Variants in VIRMA observed in about 807,000 individuals in gnomAD.
The protein encoded by VIRMA is vir like m6A methyltransferase associated.
In VIRMA, 65 loss-of-function variants were observed where a neutral mutation model predicts 182.4. The ratio of observed to expected loss-of-function variants is 0.36; its 90% CI spans 0.29 to 0.44. The LOEUF (loss-of-function observed/expected upper bound fraction) is 0.44, where lower values mean the gene tolerates loss of function less well. Among genes scored for constraint, VIRMA ranks in the 20% least tolerant of loss-of-function variants. The pLI, the probability that VIRMA is intolerant of heterozygous loss-of-function variation, is 1.00. For missense variants in VIRMA, 1,752 were observed against 2,158.1 expected, an observed-to-expected ratio of 0.81 and a Z score of 3.73; for synonymous variants, 709 against 743.1, an observed-to-expected ratio of 0.95 and a Z score of 0.75.
chr8:94,535,507 G>A (rs944424896), intron 4 of VIRMA, among the ~76,000 whole-genome samples: 4 of 152,240 alleles, frequency 2.6e-5, no homozygotes, highest in Non-Finnish European at 5.9e-5. Context: ...GGAATTAGCC[G>A]GGTGCAGTGG....
Position 94,538,260 on chromosome 8 carries a change from C to A in VIRMA, c.266G>T (p.Ser89Ile). 1.9e-6 allele frequency: 3 copies of A among 1,605,302 alleles called. No homozygotes were observed. The highest frequency in any genetic ancestry group is 2.6e-6 in the Non-Finnish European group (3 of 1,172,276). The change falls in exon 3 of 24, where the codon AGC becomes ATC. Residue 89 changes from serine (S) to isoleucine (I), a missense_variant and splice_region_variant. Physicochemically the swap from Ser to Ile is moderately radical, Grantham distance 142. This residue lies in a region of VIRMA where 195 missense variants were observed against 191.7 expected (regional missense o/e 1.02). Transcript: ENST00000297591. ...GTGAAATTACCTAGCAGGTACATAC[C>A]TTCCCAACCTATCGAAAACAGGGGC... ...PSAPVFDRLG[S>I]LEYDENTSII...
At chr8:94,549,645 C>G (rs1437410886) in intron 1 of VIRMA, among the ~76,000 whole-genome samples, 1 of 152,186 alleles carries the variant, frequency 6.6e-6, no homozygotes, top group Non-Finnish European at 1.5e-5. Flanking sequence ...TTGTATAAAT[C>G]CTCTCCTACG....
At position 94,553,459 on chromosome 8, in the gene VIRMA, G is replaced by A. The variant is rs372338361; in HGVS notation, c.-12C>T. On this transcript the variant is annotated 5_prime_UTR_variant, in exon 1 of 24. Coordinates refer to ENST00000297591, the MANE Select transcript of VIRMA (RefSeq NM_015496.5). ...GAGTCCACCGCCATGTTTGCCGCGGGCGGGGAACAGGGGGGAGGACTTCCG... is the reference window on the plus strand; with the variant it reads ...GAGTCCACCGCCATGTTTGCCGCGGACGGGGAACAGGGGGGAGGACTTCCG... 46 of 1,613,924 alleles carry A rather than the reference G, an allele frequency of 2.9e-5. No individual in the cohort carries two copies. The highest frequency in any genetic ancestry group is 2.0e-4 in the Admixed American group (12 of 60,000).
Position 94,494,899 on chromosome 8 carries a change from A to C in VIRMA, c.4602T>G (p.Thr1534=). The change falls in exon 20 of 24, where the codon ACT becomes ACG. Residue 1534 remains threonine, a synonymous_variant. Coordinates refer to ENST00000297591, the MANE Select transcript of VIRMA (RefSeq NM_015496.5). ...TATCTATCTCTTCAGCCTGAAATGG[A>C]GTGAACCACATAGATTTCAACTGAT... ...MDDQLKSMWF[T]PFQAEEIDTD... 1 of 1,610,662 alleles carries C rather than the reference A, an allele frequency of 6.2e-7. No homozygotes were observed. The highest frequency in any genetic ancestry group is 8.5e-7 in the Non-Finnish European group (1 of 1,177,052).
In VIRMA at chr8:94,517,956, A is replaced by C. The variant is rs376791353; in HGVS notation, c.2514-14T>G. The C allele has an allele frequency of 6.3e-7, 1 of 1,591,986 alleles. No homozygotes were observed. Among genetic ancestry groups the C allele is most frequent in the Non-Finnish European group, 8.5e-7 (1 of 1,171,298 alleles). ...GATTTGGAATCACTGAAACAAAATA[A>C]GGTTTTTAAGTTTTGGATACAAAAA... On this transcript the variant is annotated splice_polypyrimidine_tract_variant and intron_variant, in intron 9 of 23. Transcript: ENST00000297591.
intron 5 of VIRMA, chr8:94,533,500 G>T: frequency 6.6e-6 from 1 of 152,406 alleles, no homozygotes; most frequent in South Asian, 2.0e-4. Context: ...GGAGTGCAGT[G>T]GCATGATCAT....
intron 20 of VIRMA, among the ~76,000 whole-genome samples, chr8:94,493,399 A>G (rs980315390): frequency 8.5e-5 from 13 of 152,246 alleles, no homozygotes; most frequent in Non-Finnish European, 2.9e-5. Context: ...TTAAAGTTAA[A>G]AAATTAGTAA....
At position 94,526,312 on chromosome 8, in the gene VIRMA, T is replaced by C. The variant is rs759934280; in HGVS notation, c.1932A>G (p.Thr644=). ...AAGACTTAACAGGTTGTTGGATCAT[T>C]GTATGAGGGGCAGTTTCCATTAAAT... is the stretch of plus-strand genomic sequence containing the variant. ...VFHLMETAPH[T]MIQQPVKSFP... is the part of the protein sequence containing the mutation. The change falls in exon 8 of 24, where the codon ACA becomes ACG. Residue 644 remains threonine (T), a synonymous_variant. Transcript: ENST00000297591. 81 of 1,614,060 alleles carry C rather than the reference T, an allele frequency of 5.0e-5. No individual in the cohort carries two copies. The highest frequency in any genetic ancestry group is 6.7e-5 in the Admixed American group (4 of 60,026).
intron 2 of VIRMA, 113 bp from the exon 3 acceptor site, chr8:94,538,459 G>T: frequency 1.6e-6 from 1 of 643,052 alleles, no homozygotes; most frequent in Non-Finnish European, 2.7e-6. Flanking sequence ...AGAATATGAT[G>T]TTCCTAAGAT....
At chr8:94,524,076 T>G (rs1406690420) in intron 8 of VIRMA, among the ~76,000 whole-genome samples, 1 of 150,642 alleles carries the variant, frequency 6.6e-6, no homozygotes, top group Non-Finnish European at 1.5e-5. Flanking sequence ...CTCAGCTCAC[T>G]GCAACCTCTG....
At chr8:94,504,811 G>C (rs1184638712) in intron 16 of VIRMA, among the ~76,000 whole-genome samples, 2 of 152,164 alleles carry the variant, frequency 1.3e-5, no homozygotes, top group African/African-American at 2.4e-5. Flanking sequence ...GAAATGTCAA[G>C]TAGATTAATG....
chr8:94,530,995 T>C lies in VIRMA; in HGVS notation c.575A>G (p.Asp192Gly). The change falls in exon 6 of 24, where the codon GAT (aspartate) becomes GGT (glycine). Residue 192 changes from aspartate (D) to glycine (G), a missense_variant. Transcript: ENST00000297591. ...AGGCACAGGATCATCTTCATCATCA[T>C]CAGGTGGAGGGGGTCCTGGAGGAGT... ...PRTPPGPPPP[D>G]DDEDDPVPLP... is the part of the protein sequence containing the mutation. 1 of 1,604,630 alleles carries C rather than the reference T, an allele frequency of 6.2e-7. No homozygotes were observed. Among genetic ancestry groups the C allele is most frequent in the East Asian group, 2.3e-5 (1 of 43,650 alleles).
intron 8 of VIRMA, among the ~76,000 whole-genome samples, chr8:94,523,332 C>T (rs1342526574): frequency 6.6e-6 from 1 of 152,204 alleles, no homozygotes; most frequent in Non-Finnish European, 1.5e-5. Flanking sequence ...GCCTCTCCCA[C>T]TCCTAAAAAA....
chr8:94,534,614 TTC>T (rs1378418889), intron 5 of VIRMA, among the ~76,000 whole-genome samples: 1 of 150,016 alleles, frequency 6.7e-6, no homozygotes, highest in African/African-American at 2.5e-5. Flanking sequence ...TTGCCTCCTC[TTC>T]TTTCTTTCTC....
rs898259711 is a variant in VIRMA at position 94,540,296 on chromosome 8, G to T, written c.180-1950C>A. On this transcript the variant is annotated intron_variant, in intron 2 of 23. Coordinates refer to ENST00000297591, the MANE Select transcript of VIRMA (RefSeq NM_015496.5). Reference sequence around the variant, plus strand: ...ATCATAAAATCAAGTAATATTTAATGATGTAAAAGTACTCCTGATATATTA... The same window carrying T: ...ATCATAAAATCAAGTAATATTTAATTATGTAAAAGTACTCCTGATATATTA... Among the ~76,000 whole-genome samples the T allele has an allele frequency of 1.5e-4, 23 of 150,684 alleles. 2 individuals are homozygous for T. In the South Asian group the frequency reaches 4.6e-3, roughly 30 times the overall value.
intron 15 of VIRMA, among the ~76,000 whole-genome samples, chr8:94,507,911 G>GTATATATATGTATATATATATGTATA (rs370897217): frequency 8.3e-6 from 1 of 119,906 alleles, no homozygotes; most frequent in Non-Finnish European, 1.9e-5. Context: ...ATGTATATAT[G>GTATATATATGTATATATATATGTATA]TATGTGTATA....
intron 8 of VIRMA, among the ~76,000 whole-genome samples, chr8:94,523,716 C>T (rs1814855280): frequency 6.6e-6 from 1 of 151,726 alleles, no homozygotes; most frequent in Non-Finnish European, 1.5e-5. Context: ...GCAACCACTG[C>T]CTCCTGGGTT....
Position 94,526,226 on chromosome 8 carries a change from A to C in VIRMA, c.2018T>G (p.Phe673Cys). ...CCAAAAGGCAAACATGTCTTACCTAAAGAGAACAGGGTATGGATCATCCCT... is the reference window on the plus strand; with the variant it reads ...CCAAAAGGCAAACATGTCTTACCTACAGAGAACAGGGTATGGATCATCCCT... The part of the protein sequence containing the change: ...PERDDPYPVL[F>C]RYLHSHHFLE... The change falls in exon 8 of 24, where the codon TTT (phenylalanine) becomes TGT (cysteine). Residue 673 changes from phenylalanine to cysteine, a missense_variant. Coordinates refer to ENST00000297591, the MANE Select transcript of VIRMA (RefSeq NM_015496.5). 1 of 1,582,874 alleles carries C rather than the reference A, an allele frequency of 6.3e-7. No individual in the cohort carries two copies. The highest frequency in any genetic ancestry group is 8.6e-7 in the Non-Finnish European group (1 of 1,168,412).
Position 94,494,944 on chromosome 8 carries a change from C to T in VIRMA, c.4557G>A (p.Val1519=). The change falls in exon 20 of 24, where the codon GTG becomes GTA. Residue 1519 remains valine, a synonymous_variant. Transcript: ENST00000297591. ...QNLFNNRTAY[V]LADVMDDQLK... ...ACTGATCATCCATGACATCAGCAAG[C>T]ACATAGGCAGTCCTGGAACAAGAAA... 2 of 1,604,724 alleles carry T rather than the reference C, an allele frequency of 1.2e-6. No individual in the cohort carries two copies. The highest frequency in any genetic ancestry group is 2.2e-5 in the South Asian group (2 of 90,440).
Sources: gnomAD v4.1 joint callset for allele counts (sites outside exome capture counted in the v4.1 genomes callset) on GRCh38, gnomAD v4.1.1 for gene constraint, gnomAD v4.1.1 regional missense constraint, MANE v1.5 for transcripts, NCBI Gene and HGNC (gene_info 2026-07-23, HGNC 2026-07-21) for gene names.